Variants in CTNNA3 observed in about 807,000 individuals in gnomAD.
CTNNA3 encodes catenin alpha 3, also known as catenin alpha-3.
CTNNA3 carries 76 observed loss-of-function variants against 95.7 expected under a neutral mutation model. The observed-to-expected ratio is 0.79, with a 90% CI of 0.66 to 0.96. CTNNA3 has a LOEUF of 0.96. Among genes scored for constraint, CTNNA3 ranks in the 40% least tolerant of loss-of-function variants. The pLI is 0.00. For missense variants in CTNNA3, 1,191 were observed against 1,089.8 expected (o/e 1.09, Z -1.31); for synonymous variants, 431 against 374.4 (o/e 1.15, Z -1.74).
intron 9 of CTNNA3, among the ~76,000 whole-genome samples, chr10:66,756,720 A>G (rs1839373353): frequency 6.6e-6 from 1 of 152,104 alleles, no homozygotes; most frequent in Non-Finnish European, 1.5e-5. Flanking sequence ...ATAAATCACT[A>G]CAGGAAAGAA....
At chr10:66,519,973 G>T (rs190475113) in intron 11 of CTNNA3, among the ~76,000 whole-genome samples, 1 of 152,016 alleles carries the variant, frequency 6.6e-6, no homozygotes, top group African/African-American at 2.4e-5. Flanking sequence ...GAAAAGAAGC[G>T]CAGGGAAATC....
intron 13 of CTNNA3, among the ~76,000 whole-genome samples, chr10:66,220,885 G>T (rs939155924): frequency 6.6e-6 from 1 of 152,128 alleles, no homozygotes; most frequent in African/African-American, 2.4e-5. Flanking sequence ...GTACAGGATG[G>T]GGGGTGAGGT....
At chr10:66,883,038 C>G (rs970316615) in intron 7 of CTNNA3, among the ~76,000 whole-genome samples, 1 of 152,078 alleles carries the variant, frequency 6.6e-6, no homozygotes, top group Non-Finnish European at 1.5e-5. Context: ...TTTTTAAGAG[C>G]TCCTGGAGAT....
chr10:67,317,254 C>T (rs1242701310), intron 5 of CTNNA3, among the ~76,000 whole-genome samples: 1 of 151,308 alleles, frequency 6.6e-6, no homozygotes, highest in Non-Finnish European at 1.5e-5. Flanking sequence ...GGTACATGTG[C>T]ACAACATGCA....
At chr10:66,984,167 T>C (rs1850600417) in intron 7 of CTNNA3, among the ~76,000 whole-genome samples, 1 of 152,158 alleles carries the variant, frequency 6.6e-6, no homozygotes, top group Non-Finnish European at 1.5e-5. Context: ...AAAACACTTT[T>C]TAAGTCAAGA....
At chr10:66,145,206 T>A (rs1375973235) in intron 13 of CTNNA3, among the ~76,000 whole-genome samples, 1 of 152,200 alleles carries the variant, frequency 6.6e-6, no homozygotes, top group Non-Finnish European at 1.5e-5. Flanking sequence ...TATATCCATA[T>A]GCCGTTCAAG....
intron 13 of CTNNA3, among the ~76,000 whole-genome samples, chr10:66,138,335 A>G (rs1478291679): frequency 6.6e-6 from 1 of 152,184 alleles, no homozygotes; most frequent in Non-Finnish European, 1.5e-5. Flanking sequence ...AGTAATTCTT[A>G]TTGTTACAGA....
intron 5 of CTNNA3, among the ~76,000 whole-genome samples, chr10:67,312,262 G>A (rs142171765): frequency 4.6e-5 from 7 of 151,948 alleles, no homozygotes; most frequent in East Asian, 3.9e-4. Flanking sequence ...TGGTAGAGAC[G>A]GGGTATCACC....
intron 13 of CTNNA3, among the ~76,000 whole-genome samples, chr10:66,273,048 C>T (rs1218586363): frequency 6.6e-6 from 1 of 152,180 alleles, no homozygotes; most frequent in Non-Finnish European, 1.5e-5. Flanking sequence ...TACAACCCTA[C>T]AGATAGAAGA....
Position 67,654,008 on chromosome 10 carries a change from G to A in CTNNA3, c.-5-6490C>T, listed in dbSNP as rs564998220. Reference sequence around the variant, plus strand: ...CCTGAGAGGTAGCCAAAAGGCAGCTGTTTGCCAATGAGTGCAGATTGAGTT... The same window carrying A: ...CCTGAGAGGTAGCCAAAAGGCAGCTATTTGCCAATGAGTGCAGATTGAGTT... On this transcript the variant is annotated intron_variant, in intron 1 of 17. Transcript: ENST00000433211. Among the ~76,000 whole-genome samples, 3 of 152,326 alleles carry A rather than the reference G, an allele frequency of 2.0e-5. No individual in the cohort carries two copies. The East Asian group carries it at 5.8e-4, about 29-fold the overall frequency.
intron 7 of CTNNA3, among the ~76,000 whole-genome samples, chr10:67,016,593 C>G (rs2133057880): frequency 6.6e-6 from 1 of 152,258 alleles, no homozygotes; most frequent in East Asian, 1.9e-4. Context: ...TTATTCTCTA[C>G]TTTTCTTATG....
At chr10:66,968,550 T>C (rs1218278727) in intron 7 of CTNNA3, among the ~76,000 whole-genome samples, 1 of 151,838 alleles carries the variant, frequency 6.6e-6, no homozygotes, top group Non-Finnish European at 1.5e-5. Context: ...GCGATTGGAT[T>C]CAGGAGTTTC....
chr10:67,499,789 AT>A (rs1310542093), intron 5 of CTNNA3, among the ~76,000 whole-genome samples: 1 of 151,978 alleles, frequency 6.6e-6, no homozygotes, highest in African/African-American at 2.4e-5. Flanking sequence ...TCCCTTTATC[AT>A]TTTTTATTGT....
intron 7 of CTNNA3, among the ~76,000 whole-genome samples, chr10:66,788,724 A>G (rs1387635438): frequency 6.6e-6 from 1 of 150,696 alleles, no homozygotes; most frequent in Non-Finnish European, 1.5e-5. Context: ...TTACAGGTTA[A>G]AAAAAAAAGA....
At chr10:67,757,970 AC>A (rs1841442624) in intron 1 of CTNNA3, among the ~76,000 whole-genome samples, 1 of 152,152 alleles carries the variant, frequency 6.6e-6, no homozygotes, top group South Asian at 2.1e-4. Context: ...GAAGTGATAA[AC>A]ATCTGCATCA....
At chr10:65,953,954 T>C (rs562195165) in intron 17 of CTNNA3, among the ~76,000 whole-genome samples, 3 of 152,352 alleles carry the variant, frequency 2.0e-5, no homozygotes, top group Admixed American at 2.0e-4. Flanking sequence ...CCTTGAGGAA[T>C]CACCACACTG....
intron 11 of CTNNA3, among the ~76,000 whole-genome samples, chr10:66,380,873 C>A (rs1302864261): frequency 1.3e-5 from 2 of 150,902 alleles, no homozygotes; most frequent in East Asian, 3.9e-4. Context: ...TATATACGCA[C>A]CCAATACAGG....
chr10:66,745,240 G>A (rs1353599149), intron 9 of CTNNA3, among the ~76,000 whole-genome samples: 1 of 152,190 alleles, frequency 6.6e-6, no homozygotes, highest in East Asian at 1.9e-4. Context: ...ATATGCAGAA[G>A]TAACCACATA....
In CTNNA3 at chr10:67,606,847, G is replaced by C. The variant is rs1843292446; in HGVS notation, c.292+10C>G. On this transcript the variant is annotated intron_variant, in intron 3 of 17. Transcript: ENST00000433211. Reference sequence around the variant, plus strand: ...TGCAGTTTGCTCCTGACCAGGATTGGAGTACTCACTTTCTTTGCGAACTTC... The same window carrying C: ...TGCAGTTTGCTCCTGACCAGGATTGCAGTACTCACTTTCTTTGCGAACTTC... 4 of 1,606,338 alleles carry C rather than the reference G, an allele frequency of 2.5e-6. No individual in the cohort carries two copies. Among genetic ancestry groups the C allele is most frequent in the Non-Finnish European group, 3.4e-6 (4 of 1,174,170 alleles).
Sources: allele counts gnomAD v4.1 joint callset (sites outside exome capture counted in the v4.1 genomes callset), GRCh38; gene constraint gnomAD v4.1.1; transcripts MANE v1.5; gene names NCBI Gene and HGNC (gene_info 2026-07-23, HGNC 2026-07-21).